TBC1D22B: variants seen among roughly 807,000 people sequenced by gnomAD.
TBC1D22B encodes TBC1 domain family member 22B.
TBC1D22B carries 32 observed loss-of-function variants against 69.1 expected under a neutral mutation model. That is an observed-to-expected ratio of 0.46 (90% CI 0.35 to 0.62). The LOEUF is 0.62. TBC1D22B is among the 20% of genes least tolerant of loss of function. TBC1D22B has a pLI of 0.00. For synonymous variants in TBC1D22B, 206 were observed against 229.8 expected (o/e 0.90, Z 0.94); for missense variants, 462 against 630.9 (o/e 0.73, Z 2.87).
At chr6:37,279,910 T>C (rs1766774615) in intron 3 of TBC1D22B, among the ~76,000 whole-genome samples, 1 of 152,236 alleles carries the variant, frequency 6.6e-6, no homozygotes, top group Non-Finnish European at 1.5e-5. Flanking sequence ...TTCTCTGGTT[T>C]GATTGCTTCA....
At chr6:37,313,979 G>A (rs996538074) in intron 10 of TBC1D22B, 88 bp downstream of exon 10, 1 of 1,233,940 alleles carries the variant, frequency 8.1e-7, no homozygotes, top group Non-Finnish European at 1.2e-6. Flanking sequence ...CTCCTCAGCT[G>A]TCTTCCTAGC....
At chr6:37,264,574 G>A (rs1029584992) in intron 1 of TBC1D22B, among the ~76,000 whole-genome samples, 2 of 152,176 alleles carry the variant, frequency 1.3e-5, no homozygotes, top group Non-Finnish European at 2.9e-5. Flanking sequence ...GCCTCTCAAA[G>A]TGCAGGGATT....
intron 12 of TBC1D22B, among the ~76,000 whole-genome samples, chr6:37,325,638 C>T (rs1768372405): frequency 6.8e-6 from 1 of 147,824 alleles, no homozygotes; most frequent in Non-Finnish European, 1.5e-5. Context: ...CCACCTCTGC[C>T]TCCCGGGTTC....
chr6:37,284,434 C>T lies in TBC1D22B; in HGVS notation c.771C>T (p.Asn257=), dbSNP rs3818136. 0.67 allele frequency: 1,065,344 copies of T among 1,598,398 alleles called. 357,332 individuals carry two copies. The highest frequency in any genetic ancestry group is 0.87 in the East Asian group (39,082 of 44,786). ...GFIEQYYDSR[N]EEHHQDTYRQ... ...TTGAACAGTATTATGACTCTCGAAA[C>T]GAGGAACATCACCAGGATACCTACA... The change falls in exon 6 of 13, where the codon AAC becomes AAT. Residue 257 remains asparagine, a synonymous_variant. Coordinates refer to ENST00000373491, the MANE Select transcript of TBC1D22B (RefSeq NM_017772.4).
At chr6:37,286,953 AAAAAC>A in intron 6 of TBC1D22B, 49 bp from the exon 7 acceptor site, 1 of 1,553,238 alleles carries the variant, frequency 6.4e-7, no homozygotes, top group South Asian at 1.2e-5. Flanking sequence ...TCAAAAAAAC[AAAAAC>A]AAAAAAAAAC....
intron 1 of TBC1D22B, among the ~76,000 whole-genome samples, chr6:37,263,685 G>C (rs1766181102): frequency 6.6e-6 from 1 of 152,224 alleles, no homozygotes; most frequent in East Asian, 1.9e-4. Context: ...CCGGGTTCAA[G>C]CGATTCTCCT....
At chr6:37,307,344 T>TTTTC (rs1562060981) in intron 8 of TBC1D22B, among the ~76,000 whole-genome samples, 1 of 151,250 alleles carries the variant, frequency 6.6e-6, no homozygotes, top group South Asian at 2.1e-4. Flanking sequence ...AGAAATTTTT[T>TTTTC]TTTCTTTTTT....
intron 8 of TBC1D22B, among the ~76,000 whole-genome samples, chr6:37,291,821 G>A (rs1304278817): frequency 6.6e-6 from 1 of 152,134 alleles, no homozygotes; most frequent in Non-Finnish European, 1.5e-5. Context: ...GGGCCAAGGA[G>A]GACTCCAGGA....
At position 37,299,369 on chromosome 6, in the gene TBC1D22B, C is replaced by CT. The variant is rs201063655; in HGVS notation, c.982+8020dup. On this transcript the variant is annotated intron_variant, in intron 8 of 12. Coordinates refer to ENST00000373491, the MANE Select transcript of TBC1D22B (RefSeq NM_017772.4). ...ATCATATAAATTGTTAATACTCAAC[C>CT]TTTTTTTTACCGCCCAACATGGGAA... Among the ~76,000 whole-genome samples the CT allele has an allele frequency of 1.7e-3, 263 of 152,038 alleles. 3 individuals carry two copies. Among genetic ancestry groups the CT allele is most frequent in the Admixed American group, 0.012 (177 of 15,274 alleles).
At chr6:37,327,695 A>G (rs1768467864) in intron 12 of TBC1D22B, among the ~76,000 whole-genome samples, 1 of 152,078 alleles carries the variant, frequency 6.6e-6, no homozygotes, top group African/African-American at 2.4e-5. Flanking sequence ...TTGAGTGAAT[A>G]TCAATAACTG....
chr6:37,275,186 T>TA (rs1433554487), intron 2 of TBC1D22B, among the ~76,000 whole-genome samples: 11 of 152,332 alleles, frequency 7.2e-5, no homozygotes, highest in Admixed American at 5.9e-4. Flanking sequence ...CAGCTGGAGT[T>TA]ACCTGGATTA....
chr6:37,278,985 G>A (rs916011039), intron 2 of TBC1D22B, among the ~76,000 whole-genome samples: 1 of 152,126 alleles, frequency 6.6e-6, no homozygotes, highest in African/African-American at 2.4e-5. Context: ...ACTTTGCCTG[G>A]AAGTAATCGC....
In TBC1D22B at chr6:37,284,858, G is replaced by A. The variant is rs1241162517; in HGVS notation, c.801+394G>A. 2.6e-5 allele frequency among the ~76,000 whole-genome samples: 4 copies of A among 152,142 alleles called. No homozygotes were observed. In the East Asian group the frequency reaches 5.8e-4, roughly 22 times the overall value. On this transcript the variant is annotated intron_variant, in intron 6 of 12. Coordinates refer to ENST00000373491, the MANE Select transcript of TBC1D22B (RefSeq NM_017772.4). Reference sequence around the variant, plus strand: ...CCACCAACCACACTGTGAGTAGTAAGCGTTATCGAGCATGGAGAGGAAAGA... The same window carrying A: ...CCACCAACCACACTGTGAGTAGTAAACGTTATCGAGCATGGAGAGGAAAGA...
chr6:37,288,973 C>T (rs1204522979), intron 7 of TBC1D22B, among the ~76,000 whole-genome samples: 1 of 152,074 alleles, frequency 6.6e-6, no homozygotes, highest in African/African-American at 2.4e-5. Context: ...ACTGCAACCT[C>T]TACTCCCCGG....
chr6:37,315,773 G>A (rs1368253422), intron 10 of TBC1D22B, among the ~76,000 whole-genome samples: 1 of 152,068 alleles, frequency 6.6e-6, no homozygotes, highest in African/African-American at 2.4e-5. Flanking sequence ...ACAGGCTTTT[G>A]TCATGTTGCC....
intron 12 of TBC1D22B, among the ~76,000 whole-genome samples, chr6:37,329,235 G>C (rs1302193180): frequency 6.6e-6 from 1 of 152,128 alleles, no homozygotes; most frequent in Non-Finnish European, 1.5e-5. Context: ...ACCTAAGTGG[G>C]ATCATACTGT....
intron 5 of TBC1D22B, among the ~76,000 whole-genome samples, chr6:37,283,437 A>G (rs1583543074): frequency 6.6e-6 from 1 of 152,356 alleles, no homozygotes; most frequent in East Asian, 1.9e-4. Context: ...TGTAAAATTC[A>G]TTCATTCATC....
At chr6:37,316,589 G>A (rs1768086082) in intron 10 of TBC1D22B, 114 bp from the exon 11 acceptor site, 1 of 1,215,164 alleles carries the variant, frequency 8.2e-7, no homozygotes, top group African/African-American at 1.5e-5. Context: ...CCTCCTCTGT[G>A]TCTGCTTACC....
At chr6:37,325,907 G>A (rs906943829) in intron 12 of TBC1D22B, among the ~76,000 whole-genome samples, 1 of 152,142 alleles carries the variant, frequency 6.6e-6, no homozygotes, top group African/African-American at 2.4e-5. Context: ...CTAGAGGTGG[G>A]GATGTTGCAG....
Sources: allele counts gnomAD v4.1 joint callset (sites outside exome capture counted in the v4.1 genomes callset), GRCh38; gene constraint gnomAD v4.1.1; transcripts MANE v1.5; gene names NCBI Gene and HGNC (gene_info 2026-07-23, HGNC 2026-07-21).